Variants in UBE4B observed in about 807,000 individuals in gnomAD.
The protein encoded by UBE4B is ubiquitination factor E4B.
A neutral mutation model predicts 148.1 loss-of-function variants in UBE4B; 27 were observed. The observed-to-expected ratio is 0.18, with a 90% CI of 0.13 to 0.25. UBE4B has a LOEUF of 0.25. Ranked by LOEUF, UBE4B falls within the 10% of genes least tolerant of loss-of-function variation. The pLI is 1.00. For synonymous variants in UBE4B, 596 were observed against 619.3 expected (o/e 0.96, Z 0.56); for missense variants, 1,170 against 1,662.4 (o/e 0.70, Z 5.15).
chr1:10,080,160 G>A (rs940313935), intron 2 of UBE4B, among the ~76,000 whole-genome samples: 8 of 152,044 alleles, frequency 5.3e-5, no homozygotes, highest in East Asian at 3.8e-4. Flanking sequence ...GGTGGCTCAC[G>A]CCTGTAATCC....
intron 2 of UBE4B, among the ~76,000 whole-genome samples, chr1:10,085,520 A>G (rs540772723): frequency 3.3e-4 from 50 of 152,314 alleles, no homozygotes; most frequent in African/African-American, 1.1e-3. Context: ...TCTTTTGTTG[A>G]TAAGATTTGT....
chr1:10,100,953 A>C, intron 3 of UBE4B, 155 bp from the exon 4 acceptor site: 4 of 634,520 alleles, frequency 6.3e-6, no homozygotes, highest in Non-Finnish European at 1.1e-5. Flanking sequence ...TAATTTATGA[A>C]GAACTCTTAA....
intron 2 of UBE4B, among the ~76,000 whole-genome samples, chr1:10,076,875 T>C (rs1268019477): frequency 3.3e-5 from 5 of 151,140 alleles, no homozygotes; most frequent in Non-Finnish European, 5.9e-5. Flanking sequence ...GCCTCCCGAT[T>C]AGCTGGGATT....
At chr1:10,085,799 T>C (rs1557539948) in intron 2 of UBE4B, among the ~76,000 whole-genome samples, 1 of 152,060 alleles carries the variant, frequency 6.6e-6, no homozygotes, top group Non-Finnish European at 1.5e-5. Context: ...GTGACTTTTT[T>C]TTTTCTTTGA....
intron 25 of UBE4B, among the ~76,000 whole-genome samples, chr1:10,173,254 G>A (rs1363514777): frequency 6.6e-6 from 1 of 152,026 alleles, no homozygotes; most frequent in Non-Finnish European, 1.5e-5. Context: ...CGAGGCGGGT[G>A]GATCACAAGG....
intron 1 of UBE4B, among the ~76,000 whole-genome samples, chr1:10,071,492 G>C (rs1238942709): frequency 2.0e-5 from 3 of 152,134 alleles, no homozygotes; most frequent in Non-Finnish European, 4.4e-5. Flanking sequence ...GGAGGCCGAG[G>C]TGGGAAGATT....
chr1:10,040,721 G>T (rs1488349859), intron 1 of UBE4B, among the ~76,000 whole-genome samples: 2 of 151,658 alleles, frequency 1.3e-5, no homozygotes, highest in Non-Finnish European at 2.9e-5. Context: ...AGGTTCAAGC[G>T]ATTCTCCTGC....
intron 7 of UBE4B, among the ~76,000 whole-genome samples, chr1:10,114,030 A>G (rs577102402): frequency 8.1e-4 from 118 of 146,382 alleles, no homozygotes; most frequent in African/African-American, 2.7e-3. Context: ...GTGCCACTGC[A>G]CTCCAGCCTG....
intron 1 of UBE4B, among the ~76,000 whole-genome samples, chr1:10,062,437 C>T (rs962101818): frequency 6.6e-6 from 1 of 151,910 alleles, no homozygotes; most frequent in Admixed American, 6.6e-5. Flanking sequence ...CTCAGCCTCC[C>T]GAGTAGCTGG....
intron 14 of UBE4B, 49 bp from the exon 15 acceptor site, chr1:10,132,319 AT>A (rs1329208307): frequency 1.4e-6 from 2 of 1,459,562 alleles, no homozygotes; most frequent in East Asian, 4.6e-5. Flanking sequence ...AAAAGGAATC[AT>A]GTGCAAAATA....
chr1:10,047,501 T>C (rs2101786179), intron 1 of UBE4B, among the ~76,000 whole-genome samples: 1 of 147,950 alleles, frequency 6.8e-6, no homozygotes, highest in East Asian at 2.0e-4. Context: ...TTTTTTTTTT[T>C]TTTTTTTTTT....
intron 25 of UBE4B, among the ~76,000 whole-genome samples, chr1:10,172,192 C>A (rs1557616597): frequency 6.6e-6 from 1 of 152,180 alleles, no homozygotes; most frequent in Non-Finnish European, 1.5e-5. Flanking sequence ...ATTTCCACAG[C>A]CACCGATTTA....
intron 20 of UBE4B, 31 bp downstream of exon 20, chr1:10,149,313 AAT>A (rs1645933226): frequency 2.0e-6 from 3 of 1,522,390 alleles, no homozygotes; most frequent in African/African-American, 1.4e-5. Flanking sequence ...ACATAGTTCT[AAT>A]ATGTTTTTAT....
chr1:10,066,847 A>T (rs1007107633), intron 1 of UBE4B, among the ~76,000 whole-genome samples: 1 of 152,144 alleles, frequency 6.6e-6, no homozygotes, highest in South Asian at 2.1e-4. Flanking sequence ...CAGAGGTTGC[A>T]GTGAGCCAAG....
intron 2 of UBE4B, among the ~76,000 whole-genome samples, chr1:10,089,753 G>T (rs565971135): frequency 6.0e-4 from 90 of 151,184 alleles, no homozygotes; most frequent in Non-Finnish European, 8.8e-4. Context: ...ATCCTGGAGG[G>T]CAGTGGCTCA....
chr1:10,038,370 T>TA (rs1283277794), intron 1 of UBE4B, among the ~76,000 whole-genome samples: 1 of 152,148 alleles, frequency 6.6e-6, no homozygotes, highest in Non-Finnish European at 1.5e-5. Flanking sequence ...CAAGGTTCTG[T>TA]AAGTGGAAGA....
At chr1:10,124,289 G>A (rs1645457364) in intron 10 of UBE4B, among the ~76,000 whole-genome samples, 1 of 152,150 alleles carries the variant, frequency 6.6e-6, no homozygotes, top group South Asian at 2.1e-4. Context: ...AGCCTCCCAA[G>A]TAGCTGGGAT....
At chr1:10,068,505 A>G (rs2101826134) in intron 1 of UBE4B, among the ~76,000 whole-genome samples, 1 of 151,602 alleles carries the variant, frequency 6.6e-6, no homozygotes, top group South Asian at 2.1e-4. Context: ...GCGTGCCACC[A>G]TACCTGGCTA....
rs1646497782 is a variant in UBE4B at position 10,181,146 on chromosome 1, CT to C, written c.*1196del. ...ATTAAGTCTATAAAAAGCATACTTT[CT>C]TTTTTCTTTTCCTTTTTTCCCTCCA... On this transcript the variant is annotated 3_prime_UTR_variant, in exon 28 of 28. Coordinates refer to ENST00000343090, the MANE Select transcript of UBE4B (RefSeq NM_001105562.3). 6.6e-6 allele frequency: 1 copy of C among 151,574 alleles called. No individual in the cohort carries two copies. The highest frequency in any genetic ancestry group is 1.5e-5 in the Non-Finnish European group (1 of 67,848). The allele number at this position is 151,574 out of a possible 1,614,324, so 9.4% of individuals were successfully genotyped here.
Sources: gnomAD v4.1 joint callset for allele counts (sites outside exome capture counted in the v4.1 genomes callset) on GRCh38, gnomAD v4.1.1 for gene constraint, MANE v1.5 for transcripts, NCBI Gene and HGNC (gene_info 2026-07-23, HGNC 2026-07-21) for gene names.